The following FHIT variants were observed in gnomAD, a reference collection of about 807,000 sequenced individuals.
FHIT encodes fragile histidine triad diadenosine triphosphatase, also known as bis(5'-adenosyl)-triphosphatase.
Under a neutral mutation model 17.9 loss-of-function variants are expected in FHIT, and 19 were observed. The observed-to-expected ratio is 1.06, with a 90% CI of 0.74 to 1.56. The LOEUF is 1.56. Ranked by LOEUF, FHIT falls within the 40% of genes most tolerant of loss-of-function variation. The probability of loss-of-function intolerance (pLI) is 0.00; values close to 1 mark genes in which losing one functional copy is unlikely to be tolerated. For missense variants in FHIT, 248 were observed against 189.2 expected (o/e 1.31, Z -1.82); for synonymous variants, 81 against 69.7 (o/e 1.16, Z -0.81).
At chr3:60,636,780 T>G (rs1260567814) in intron 4 of FHIT, among the ~76,000 whole-genome samples, 5 of 152,174 alleles carry the variant, frequency 3.3e-5, no homozygotes, top group Non-Finnish European at 7.4e-5. Flanking sequence ...AGGATACTTT[T>G]AGCTGTTGGA....
At chr3:60,217,714 C>T (rs1703761707) in intron 5 of FHIT, among the ~76,000 whole-genome samples, 2 of 152,154 alleles carry the variant, frequency 1.3e-5, no homozygotes, top group Admixed American at 1.3e-4. Flanking sequence ...CTGGCCTTCC[C>T]TCCATTATCC....
At chr3:60,984,477 G>A (rs898593677) in intron 3 of FHIT, among the ~76,000 whole-genome samples, 2 of 152,212 alleles carry the variant, frequency 1.3e-5, no homozygotes, top group African/African-American at 4.8e-5. Context: ...CTTGGCAAGT[G>A]AAATGTGCTA....
At chr3:60,898,941 T>C (rs1705965492) in intron 3 of FHIT, among the ~76,000 whole-genome samples, 1 of 152,232 alleles carries the variant, frequency 6.6e-6, no homozygotes, top group Non-Finnish European at 1.5e-5. Context: ...TATAAACACA[T>C]TGGCCTTAGA....
intron 2 of FHIT, among the ~76,000 whole-genome samples, chr3:61,192,802 A>C (rs17064607): frequency 0.046 from 6,971 of 152,254 alleles, 520 homozygotes; most frequent in East Asian, 0.28. Flanking sequence ...CTGAGATGCC[A>C]GAAAAAGGAT....
intron 4 of FHIT, among the ~76,000 whole-genome samples, chr3:60,691,566 C>G (rs1239542403): frequency 6.6e-6 from 1 of 151,982 alleles, no homozygotes; most frequent in Non-Finnish European, 1.5e-5. Context: ...GACAGGTTTA[C>G]ATGTTGCCCA....
rs567516579 is a variant in FHIT at position 60,359,575 on chromosome 3, G to A, written c.103+177285C>T. Among the ~76,000 whole-genome samples the A allele has an allele frequency of 2.7e-3, 417 of 152,226 alleles. 4 individuals are homozygous for A. The highest frequency in any genetic ancestry group is 9.4e-3 in the African/African-American group (390 of 41,536). On this transcript the variant is annotated intron_variant, in intron 5 of 9. Transcript: ENST00000492590. ...ATTACAGGCGTGAGCCACTGTGCCC[G>A]GCCTGAATATCAAAATATCTTTTTC...
intron 5 of FHIT, among the ~76,000 whole-genome samples, chr3:60,519,019 T>C (rs1239528023): frequency 6.6e-6 from 1 of 152,154 alleles, no homozygotes; most frequent in Non-Finnish European, 1.5e-5. Flanking sequence ...AATTATTTTT[T>C]ACATACATAT....
chr3:60,100,452 C>G (rs1704144777), intron 5 of FHIT, among the ~76,000 whole-genome samples: 1 of 152,106 alleles, frequency 6.6e-6, no homozygotes, highest in African/African-American at 2.4e-5. Context: ...AACAAAATCA[C>G]TTGCTTTGAC....
At chr3:59,811,187 A>C (rs1700394403) in intron 8 of FHIT, among the ~76,000 whole-genome samples, 1 of 152,234 alleles carries the variant, frequency 6.6e-6, no homozygotes, top group African/African-American at 2.4e-5. Context: ...CTCATAACAC[A>C]TCTGTACTAA....
intron 5 of FHIT, among the ~76,000 whole-genome samples, chr3:60,190,423 T>C (rs9827176): frequency 0.043 from 6,550 of 151,658 alleles, 204 homozygotes; most frequent in South Asian, 0.11. Flanking sequence ...CACATACCCC[T>C]AAAAGCTGGC....
chr3:60,621,041 G>C (rs2039110717), intron 4 of FHIT, among the ~76,000 whole-genome samples: 1 of 151,558 alleles, frequency 6.6e-6, no homozygotes, highest in South Asian at 2.1e-4. Context: ...GAAGTATCCA[G>C]ACTAAAACAT....
At chr3:60,034,365 C>A (rs931744771) in intron 5 of FHIT, among the ~76,000 whole-genome samples, 4 of 152,198 alleles carry the variant, frequency 2.6e-5, no homozygotes, top group African/African-American at 2.4e-5. Flanking sequence ...TAAACACCAC[C>A]TTTCCCTTTC....
intron 3 of FHIT, among the ~76,000 whole-genome samples, chr3:60,825,626 A>G (rs1317945110): frequency 6.6e-6 from 1 of 152,082 alleles, no homozygotes; most frequent in Non-Finnish European, 1.5e-5. Context: ...TCATAGGAGC[A>G]GGAACCCTAG....
chr3:60,461,657 T>A (rs1255026835), intron 5 of FHIT, among the ~76,000 whole-genome samples: 5 of 152,198 alleles, frequency 3.3e-5, no homozygotes, highest in Non-Finnish European at 7.3e-5. Context: ...TGAAGTCTTT[T>A]TTCTTCTGCA....
At chr3:60,628,876 G>A (rs548472548) in intron 4 of FHIT, among the ~76,000 whole-genome samples, 1 of 152,168 alleles carries the variant, frequency 6.6e-6, no homozygotes, top group Non-Finnish European at 1.5e-5. Context: ...CTGGCAGGCA[G>A]AGTAACACCT....
chr3:60,851,158 C>T (rs1385986542), intron 3 of FHIT, among the ~76,000 whole-genome samples: 1 of 152,088 alleles, frequency 6.6e-6, no homozygotes, highest in Non-Finnish European at 1.5e-5. Context: ...AATCCCAGAC[C>T]AAAGATAGCT....
chr3:60,524,598 T>C (rs1278885643), intron 5 of FHIT, among the ~76,000 whole-genome samples: 1 of 152,176 alleles, frequency 6.6e-6, no homozygotes, highest in Non-Finnish European at 1.5e-5. Flanking sequence ...CAATAGCCAT[T>C]GATGCTGTCA....
chr3:60,629,897 T>A (rs1387280009), intron 4 of FHIT, among the ~76,000 whole-genome samples: 2 of 152,166 alleles, frequency 1.3e-5, no homozygotes, highest in Non-Finnish European at 2.9e-5. Flanking sequence ...ACTCTAGTAT[T>A]CTCAGAGCCT....
chr3:60,540,695 C>A (rs569740258), intron 4 of FHIT, among the ~76,000 whole-genome samples: 22 of 152,120 alleles, frequency 1.4e-4, no homozygotes, highest in Non-Finnish European at 2.8e-4. Flanking sequence ...ATGAATAATG[C>A]ATGATTGTTT....
Sources: gnomAD v4.1 joint callset for allele counts (sites outside exome capture counted in the v4.1 genomes callset) on GRCh38, gnomAD v4.1.1 for gene constraint, MANE v1.5 for transcripts, NCBI Gene and HGNC (gene_info 2026-07-23, HGNC 2026-07-21) for gene names.